The following CXADR variants were observed in gnomAD, a reference collection of about 807,000 sequenced individuals.
CXADR encodes coxsackievirus and adenovirus receptor.
Under a neutral mutation model 40.3 loss-of-function variants are expected in CXADR, and 20 were observed. The ratio of observed to expected loss-of-function variants is 0.50; its 90% CI spans 0.35 to 0.72. The LOEUF (loss-of-function observed/expected upper bound fraction) is 0.72, where lower values mean the gene tolerates loss of function less well. Ranked by LOEUF, CXADR falls within the 30% of genes least tolerant of loss-of-function variation. The probability of loss-of-function intolerance (pLI) is 0.01; values close to 1 mark genes in which losing one functional copy is unlikely to be tolerated. For synonymous variants in CXADR, 150 were observed against 161.3 expected (o/e 0.93, Z 0.53); for missense variants, 332 against 449.1 (o/e 0.74, Z 2.36).
At chr21:17,573,232 T>C (rs964290366), downstream of CXADR, among the ~76,000 whole-genome samples, 1 of 152,142 alleles carries the variant, frequency 6.6e-6, no homozygotes, top group Non-Finnish European at 1.5e-5. Flanking sequence ...GACCTACCCA[T>C]ATAAGCGCAT....
chr21:17,601,759 T>A, the CXADR span, among the ~76,000 whole-genome samples: 1 of 152,172 alleles, frequency 6.6e-6, no homozygotes, highest in Non-Finnish European at 1.5e-5. Flanking sequence ...GTTTTGCCCA[T>A]TAATGGAATC....
At chr21:17,593,696 A>G (rs1224097595), downstream of CXADR, 1 of 167,886 alleles carries the variant, frequency 6.0e-6, no homozygotes, top group Non-Finnish European at 1.3e-5. Flanking sequence ...ATGATTTCAC[A>G]CAATTCTCTT....
At chr21:17,619,817 C>T in the CXADR span, among the ~76,000 whole-genome samples, 15 of 122,144 alleles carry the variant, frequency 1.2e-4, no homozygotes, top group South Asian at 2.7e-3. Flanking sequence ...TTTACTGCTT[C>T]GCCTTGCACT....
the CXADR span, chr21:17,612,898 G>C: frequency 1.7e-3 from 253 of 152,066 alleles, no homozygotes; most frequent in African/African-American, 5.6e-3. Context: ...GCGCGCACAC[G>C]AGTGAGCGCA....
At chr21:17,604,380 G>A in the CXADR span, 58 of 197,588 alleles carry the variant, frequency 2.9e-4, 1 homozygote, top group Admixed American at 1.9e-3. Flanking sequence ...GGCAGGCAGA[G>A]GTTGCAGACA....
At chr21:17,558,180 T>G (rs1401482206) in intron 3 of CXADR, among the ~76,000 whole-genome samples, 1 of 151,848 alleles carries the variant, frequency 6.6e-6, no homozygotes, top group African/African-American at 2.4e-5. Context: ...TAGGCTGGAG[T>G]GCAGTGACAT....
the CXADR span, among the ~76,000 whole-genome samples, chr21:17,606,361 C>T: frequency 6.6e-6 from 1 of 152,080 alleles, no homozygotes; most frequent in Non-Finnish European, 1.5e-5. Flanking sequence ...TATATACGTA[C>T]CTATCTTAGC....
chr21:17,550,737 C>T (rs1283087210), intron 2 of CXADR, among the ~76,000 whole-genome samples: 2 of 152,094 alleles, frequency 1.3e-5, no homozygotes, highest in African/African-American at 4.8e-5. Context: ...GAAAATATTC[C>T]AAACATAGAT....
At position 17,533,640 on chromosome 21, in the gene CXADR, C is replaced by G. The variant is rs187184587; in HGVS notation, c.44-13387C>G. Among the ~76,000 whole-genome samples the G allele has an allele frequency of 3.9e-5, 6 of 152,100 alleles. 1 individual carries two copies. Among genetic ancestry groups the G allele is most frequent in the Admixed American group, 2.6e-4 (4 of 15,270 alleles). Reference sequence around the variant, plus strand: ...GTTATGAGAATGGAAAGAGTTAATACGTGTAGGGCATTTTGAAAAGTGCTT... The same window carrying G: ...GTTATGAGAATGGAAAGAGTTAATAGGTGTAGGGCATTTTGAAAAGTGCTT... On this transcript the variant is annotated intron_variant, in intron 1 of 6. Transcript: ENST00000284878.
At chr21:17,513,722 C>T (rs917057877) in intron 1 of CXADR, among the ~76,000 whole-genome samples, 8 of 152,174 alleles carry the variant, frequency 5.3e-5, no homozygotes, top group African/African-American at 1.7e-4. Context: ...CCAGCCTGGA[C>T]GGTGTTAGTC....
chr21:17,628,392 GAACC>G, the CXADR span, among the ~76,000 whole-genome samples: 1 of 152,152 alleles, frequency 6.6e-6, no homozygotes. Context: ...GAAAGCCTGG[GAACC>G]AGGAGAGTCC....
At chr21:17,597,092 G>A (rs1484328615), downstream of CXADR, among the ~76,000 whole-genome samples, 2 of 152,022 alleles carry the variant, frequency 1.3e-5, no homozygotes, top group Admixed American at 1.3e-4. Context: ...TGAGTATTAG[G>A]CCAAGGAGAA....
chr21:17,617,746 C>G, the CXADR span, among the ~76,000 whole-genome samples: 13 of 152,062 alleles, frequency 8.5e-5, 1 homozygote, highest in African/African-American at 3.1e-4. Flanking sequence ...GGTCTTGCCT[C>G]GATGCTGGTG....
chr21:17,589,008 T>G (rs2061416624), intron 7 of CXADR, among the ~76,000 whole-genome samples: 2 of 152,058 alleles, frequency 1.3e-5, no homozygotes, highest in South Asian at 4.1e-4. Context: ...TTTTTGTTGT[T>G]GTTAAAGTTT....
chr21:17,579,437 A>C (rs1325306090), intron 7 of CXADR, among the ~76,000 whole-genome samples: 2 of 152,022 alleles, frequency 1.3e-5, no homozygotes, highest in African/African-American at 2.4e-5. Context: ...GGTGCATGCC[A>C]CCACACCCAG....
At position 17,561,375 on chromosome 21, in the gene CXADR, A is replaced by T. The variant is rs771570606; in HGVS notation, c.732A>T (p.Ile244=). ...CTGGACTAATTGCAGGAGCCATTATAGGAACTTTGCTTGCTCTAGCGCTCA... is the reference window on the plus strand; with the variant it reads ...CTGGACTAATTGCAGGAGCCATTATTGGAACTTTGCTTGCTCTAGCGCTCA... ...NKAGLIAGAI[I]GTLLALALIG... The change falls in exon 6 of 7, where the codon ATA becomes ATT. Residue 244 remains isoleucine, a synonymous_variant. Transcript: ENST00000284878. 2.5e-6 allele frequency: 4 copies of T among 1,605,480 alleles called. No individual in the cohort carries two copies. The highest frequency in any genetic ancestry group is 2.6e-6 in the Non-Finnish European group (3 of 1,176,126).
rs211974 is a variant in CXADR at position 17,551,692 on chromosome 21, A to T, written c.211-57A>T. On this transcript the variant is annotated intron_variant, in intron 2 of 6. Coordinates refer to ENST00000284878, the MANE Select transcript of CXADR (RefSeq NM_001338.5). ...GGTGTATCCAGGGCTCCTTTAAGAG[A>T]CAGTTTTTTTTGTGTGTGTTTGTTT... is the stretch of plus-strand genomic sequence containing the variant. 6.0e-6 allele frequency: 9 copies of T among 1,498,122 alleles called. No homozygotes were observed. The South Asian group carries it at 1.1e-4, about 18-fold the overall frequency. 92.8% of individuals were successfully genotyped at this position (1,498,122 alleles called of 1,614,324 possible). A position where few individuals can be genotyped will look rare whatever the true frequency, so the allele number is the denominator to read the frequency against.
Position 17,581,861 on chromosome 21 carries a change from AT to A in CXADR, c.1018-11289del, listed in dbSNP as rs201308187. On this transcript the variant is annotated intron_variant, in intron 7 of 7. Transcript: ENST00000400169. ...AGACTCTGTCTCAAAAAAAAAAAAA[AT>A]TATATTTTTGAGAATTCCATTTTTC... 4.7e-3 allele frequency among the ~76,000 whole-genome samples: 577 copies of A among 123,862 alleles called. 18 individuals carry two copies. In the East Asian group the frequency reaches 0.081, roughly 17 times the overall value. The allele number at this position is 123,862 out of a possible 152,430, so 81.3% of individuals were successfully genotyped here.
intron 7 of CXADR, among the ~76,000 whole-genome samples, chr21:17,581,317 T>C (rs1039601158): frequency 5.3e-5 from 8 of 152,192 alleles, no homozygotes; most frequent in Admixed American, 4.6e-4. Flanking sequence ...AAAATAAATT[T>C]CTAAAAGGAG....
Sources: allele counts gnomAD v4.1 joint callset (sites outside exome capture counted in the v4.1 genomes callset), GRCh38; gene constraint gnomAD v4.1.1; transcripts MANE v1.5; gene names NCBI Gene and HGNC (gene_info 2026-07-23, HGNC 2026-07-21).